GXYLT2: variants seen among roughly 807,000 people sequenced by gnomAD.
GXYLT2 encodes the protein glycosyltransferase 8 domain containing 4.
In GXYLT2, 53 loss-of-function variants were observed where a neutral mutation model predicts 45.8. The ratio of observed to expected loss-of-function variants is 1.16; its 90% CI spans 0.93 to 1.46. GXYLT2 has a LOEUF of 1.46. GXYLT2 is among the 40% of genes most tolerant of loss of function. The probability of loss-of-function intolerance (pLI) is 0.00; values close to 1 mark genes in which losing one functional copy is unlikely to be tolerated. For missense variants in GXYLT2, 551 were observed against 544.4 expected, an observed-to-expected ratio of 1.01 and a Z score of -0.12; for synonymous variants, 219 against 214.2, an observed-to-expected ratio of 1.02 and a Z score of -0.19.
At chr3:72,929,039 G>A (rs562935205) in intron 3 of GXYLT2, 14 of 1,544,116 alleles carry the variant, frequency 9.1e-6, no homozygotes, top group East Asian at 2.2e-5. Flanking sequence ...CTTAGCCGCC[G>A]CCGTGACGAC....
chr3:72,929,525 A>C lies in GXYLT2; in HGVS notation c.600+7190A>C. 3 of 1,254,130 alleles carry C rather than the reference A, an allele frequency of 2.4e-6. No homozygotes were observed. In the East Asian group the frequency reaches 6.9e-5, roughly 29 times the overall value. The allele number at this position is 1,254,130 out of a possible 1,614,324, so 77.7% of individuals were successfully genotyped here. A position where few individuals can be genotyped will look rare whatever the true frequency, so the allele number is the denominator to read the frequency against. ...ACGTGACCAACTTGTGCAAGATGGG[A>C]GCACCCGAATCTGGCTCGGCAGAAT... is the stretch of plus-strand genomic sequence containing the variant. On this transcript the variant is annotated intron_variant, in intron 3 of 6. Transcript: ENST00000389617.
Position 72,967,561 on chromosome 3 carries a change from T to G in GXYLT2, c.991T>G (p.Phe331Val), listed in dbSNP as rs748662470. 1.2e-6 allele frequency: 2 copies of G among 1,613,474 alleles called. No individual in the cohort carries two copies. The highest frequency in any genetic ancestry group is 2.7e-5 in the African/African-American group (2 of 74,926). The stretch of plus-strand genomic sequence containing the variant: ...TTTACCACCAGAGTGTCTCTATGTA[T>G]TCCCCTGCCAGTGGAACTACCGTCC... ...FYFNPECLYV[F>V]PCQWNYRPDH... Residue 331 changes from phenylalanine (F) to valine (V), a missense_variant, in exon 6 of 7, where the codon TTC becomes GTC. By Grantham distance (50) the Phe-to-Val change is conservative. Coordinates refer to ENST00000389617, the MANE Select transcript of GXYLT2 (RefSeq NM_001080393.2).
At position 72,927,919 on chromosome 3, in the gene GXYLT2, T is replaced by C. The variant is rs1182628551; in HGVS notation, c.600+5584T>C. On this transcript the variant is annotated intron_variant, in intron 3 of 6. Coordinates refer to ENST00000389617, the MANE Select transcript of GXYLT2 (RefSeq NM_001080393.2). ...TATGTGAGAGAAACTCAACTCCAAC[T>C]AGCAAAGAAGGAAATTAATTTATTG... Among the ~76,000 whole-genome samples, 7 of 152,224 alleles carry C rather than the reference T, an allele frequency of 4.6e-5. No individual in the cohort carries two copies. In the South Asian group the frequency reaches 6.2e-4, roughly 13 times the overall value.
Position 72,955,129 on chromosome 3 carries a change from A to T in GXYLT2, c.632A>T (p.Tyr211Phe). The T allele has an allele frequency of 1.2e-6, 2 of 1,613,934 alleles. No homozygotes were observed. Among genetic ancestry groups the T allele is most frequent in the South Asian group, 2.2e-5 (2 of 91,070 alleles). ...TTAAAGGATGTGGACTCACTTCTCT[A>T]CGTGGACACCGATGTCCTCTTTCTG... ...VILKDVDSLL[Y>F]VDTDVLFLRP... Residue 211 changes from tyrosine to phenylalanine, a missense_variant, in exon 4 of 7, where the codon TAC becomes TTC. Coordinates refer to ENST00000389617, the MANE Select transcript of GXYLT2 (RefSeq NM_001080393.2).
At chr3:72,915,326 G>C (rs369189056) in intron 2 of GXYLT2, among the ~76,000 whole-genome samples, 1 of 104,506 alleles carries the variant, frequency 9.6e-6, no homozygotes, top group African/African-American at 3.8e-5. Context: ...ATGCCTCTTC[G>C]TTACCCATTT....
chr3:72,922,723 A>C (rs1709852802), intron 3 of GXYLT2, among the ~76,000 whole-genome samples: 1 of 152,214 alleles, frequency 6.6e-6, no homozygotes, highest in South Asian at 2.1e-4. Flanking sequence ...AATAACAACT[A>C]CTAGTTATGG....
intron 3 of GXYLT2, among the ~76,000 whole-genome samples, chr3:72,933,083 C>A (rs575394901): frequency 3.9e-5 from 6 of 152,090 alleles, no homozygotes; most frequent in Non-Finnish European, 4.4e-5. Context: ...ATGCCTGGCA[C>A]ATAGAAAGTG....
chr3:72,898,959 G>A (rs993912410), intron 1 of GXYLT2, among the ~76,000 whole-genome samples: 2 of 151,928 alleles, frequency 1.3e-5, no homozygotes, highest in Non-Finnish European at 2.9e-5. Flanking sequence ...TTGAACTCCC[G>A]ACCTCAGGTG....
chr3:72,939,172 A>G (rs1710248587), intron 3 of GXYLT2, among the ~76,000 whole-genome samples: 1 of 152,230 alleles, frequency 6.6e-6, no homozygotes, highest in Admixed American at 6.5e-5. Context: ...ACAGTGTGGA[A>G]CACTACTTAA....
At chr3:72,950,460 C>G (rs1416378318) in intron 3 of GXYLT2, among the ~76,000 whole-genome samples, 1 of 151,380 alleles carries the variant, frequency 6.6e-6, no homozygotes, top group Non-Finnish European at 1.5e-5. Flanking sequence ...GACTTCATCT[C>G]AAAAAAAGAA....
intron 1 of GXYLT2, among the ~76,000 whole-genome samples, chr3:72,889,632 G>A (rs757358426): frequency 3.9e-5 from 6 of 152,092 alleles, no homozygotes; most frequent in Non-Finnish European, 8.8e-5. Context: ...GGATATCTTT[G>A]TTAGGAAATT....
Position 72,899,828 on chromosome 3 carries a change from C to A in GXYLT2, c.276-8539C>A, listed in dbSNP as rs114143956. 4.2e-3 allele frequency among the ~76,000 whole-genome samples: 646 copies of A among 152,292 alleles called. 3 individuals carry two copies. The highest frequency in any genetic ancestry group is 6.6e-3 in the Non-Finnish European group (446 of 68,024). The stretch of plus-strand genomic sequence containing the variant: ...GGGAGGGGGACATCACTAATCTATT[C>A]TTCCCATAAGGTGAGGGTATTCAGC... On this transcript the variant is annotated intron_variant, in intron 1 of 6. Coordinates refer to ENST00000389617, the MANE Select transcript of GXYLT2 (RefSeq NM_001080393.2).
chr3:72,934,724 G>A lies in GXYLT2; in HGVS notation c.600+12389G>A, dbSNP rs140798961. On this transcript the variant is annotated intron_variant, in intron 3 of 6. Coordinates refer to ENST00000389617, the MANE Select transcript of GXYLT2 (RefSeq NM_001080393.2). ...TCAGTTTCTAAAGAAAGTAAAACAG[G>A]GGGTCTCTGGACTAGGAGAATCCAG... Among the ~76,000 whole-genome samples the A allele has an allele frequency of 2.9e-3, 439 of 152,216 alleles. 1 individual carries two copies. The highest frequency in any genetic ancestry group is 0.01 in the African/African-American group (419 of 41,520).
chr3:72,898,245 T>C (rs1172503839), intron 1 of GXYLT2, among the ~76,000 whole-genome samples: 1 of 152,182 alleles, frequency 6.6e-6, no homozygotes, highest in Non-Finnish European at 1.5e-5. Context: ...AGACCATTTT[T>C]CTTCGTTTCC....
At chr3:72,912,150 A>G (rs1431500747) in intron 2 of GXYLT2, among the ~76,000 whole-genome samples, 2 of 151,552 alleles carry the variant, frequency 1.3e-5, no homozygotes, top group Admixed American at 6.6e-5. Flanking sequence ...AGCTGGGACT[A>G]CAAACTGCGC....
chr3:72,902,387 A>G (rs990509575), intron 1 of GXYLT2, among the ~76,000 whole-genome samples: 1 of 152,250 alleles, frequency 6.6e-6, no homozygotes, highest in Non-Finnish European at 1.5e-5. Context: ...AGAAATTGTC[A>G]GTGATAACAT....
chr3:72,975,926 C>CTTTTTTTTTTTTTTTTTT lies in GXYLT2; in HGVS notation c.*773_*790dup, dbSNP rs200250227. ...GGGTATTTCTTCTTTTTCTTTCTTT[C>CTTTTTTTTTTTTTTTTTT]TTTTTTTTTTTTTTTTTTTTTTTGA... On this transcript the variant is annotated 3_prime_UTR_variant, in exon 7 of 7. Coordinates refer to ENST00000389617, the MANE Select transcript of GXYLT2 (RefSeq NM_001080393.2). 11 of 119,538 alleles carry CTTTTTTTTTTTTTTTTTT rather than the reference C, an allele frequency of 9.2e-5. No individual in the cohort carries two copies. Among genetic ancestry groups the CTTTTTTTTTTTTTTTTTT allele is most frequent in the African/African-American group, 2.3e-4 (7 of 30,560 alleles). The allele number at this position is 119,538 out of a possible 1,614,324, so 7.4% of individuals were successfully genotyped here. A position where few individuals can be genotyped will look rare whatever the true frequency, so the allele number is the denominator to read the frequency against.
At chr3:72,969,358 A>G (rs1710940844) in intron 6 of GXYLT2, among the ~76,000 whole-genome samples, 2 of 149,766 alleles carry the variant, frequency 1.3e-5, no homozygotes, top group Non-Finnish European at 3.0e-5. Context: ...GCACCACTTC[A>G]CTCCAGCTTG....
rs1019151611 is a variant in GXYLT2 at position 72,928,626 on chromosome 3, C to A, written c.600+6291C>A. Among the ~76,000 whole-genome samples the A allele has an allele frequency of 6.6e-5, 10 of 152,142 alleles. No homozygotes were observed. The East Asian group carries it at 1.5e-3, about 24-fold the overall frequency. On this transcript the variant is annotated intron_variant, in intron 3 of 6. Coordinates refer to ENST00000389617, the MANE Select transcript of GXYLT2 (RefSeq NM_001080393.2). ...GAGAACAGCAAGCTAAACCATAGGC[C>A]AGTTAGTTTACAAGGGAGAGCCAGA...
Sources: gnomAD v4.1 joint callset for allele counts (sites outside exome capture counted in the v4.1 genomes callset) on GRCh38, gnomAD v4.1.1 for gene constraint, MANE v1.5 for transcripts, NCBI Gene and HGNC (gene_info 2026-07-23, HGNC 2026-07-21) for gene names.